The following POLR3A variants were observed in gnomAD, a reference collection of about 807,000 sequenced individuals.
POLR3A encodes the protein RNA polymerase III subunit A.
A neutral mutation model predicts 152.8 loss-of-function variants in POLR3A; 112 were observed. The observed-to-expected ratio is 0.73, with a 90% CI of 0.63 to 0.86. The LOEUF (loss-of-function observed/expected upper bound fraction) is 0.86. Ranked by LOEUF, POLR3A falls within the 40% of genes least tolerant of loss-of-function variation. The pLI is 0.00. For synonymous variants in POLR3A, 615 were observed against 652.1 expected, an observed-to-expected ratio of 0.94 and a Z score of 0.87; for missense variants, 1,385 against 1,743.1, an observed-to-expected ratio of 0.79 and a Z score of 3.66.
In POLR3A at chr10:78,009,597, G is replaced by C. The variant is rs1359891553; in HGVS notation, c.1849C>G (p.Leu617Val). The change falls in exon 14 of 31, where the codon CTG (leucine) becomes GTG (valine). Residue 617 changes from leucine to valine, a missense_variant. By Grantham distance (32) the Leu-to-Val change is conservative. Transcript: ENST00000372371. ...CAGTACTGCTTGCCCTTGGTTCGCA[G>C]GTTGGCCCTCACTGGATTGTCATCG... ...PSDDNPVRAN[L>V]RTKGKQYCGK... is the part of the protein sequence containing the mutation. The C allele has an allele frequency of 6.2e-7, 1 of 1,614,088 alleles. No homozygotes were observed. Among genetic ancestry groups the C allele is most frequent in the Non-Finnish European group, 8.5e-7 (1 of 1,180,050 alleles).
rs2131929670 is a variant in POLR3A, at chr10:77,984,223, C to T, written c.3318G>A (p.Glu1106=). The part of the protein sequence containing the change: ...DYARLVKGRI[E]KTLLGEISEY... ...TTCTTACCTCTCCCAAGAGGGTTTTCTCAATTCTCCCTTTCACGAGGCGAG... is the reference window on the plus strand; with the variant it reads ...TTCTTACCTCTCCCAAGAGGGTTTTTTCAATTCTCCCTTTCACGAGGCGAG... Residue 1106 remains glutamate, a synonymous_variant, in exon 25 of 31, where the codon GAG becomes GAA. Coordinates refer to ENST00000372371, the MANE Select transcript of POLR3A (RefSeq NM_007055.4). 6.2e-7 allele frequency: 1 copy of T among 1,609,426 alleles called. No homozygotes were observed.
intron 27 of POLR3A, 140 bp from the exon 28 acceptor site, chr10:77,982,458 G>C (rs990898924): frequency 3.1e-6 from 3 of 956,150 alleles, no homozygotes; most frequent in Non-Finnish European, 5.1e-6. Context: ...AACAGAAGTT[G>C]TTCAGGGGAC....
chr10:77,980,395 A>G, intron 29 of POLR3A, 122 bp from the exon 30 acceptor site: 2 of 919,030 alleles, frequency 2.2e-6, no homozygotes, highest in East Asian at 2.6e-5. Context: ...TCAGGTGTGA[A>G]AGGCCCTGAG....
At chr10:78,024,279 G>A (rs1189656368) in intron 5 of POLR3A, among the ~76,000 whole-genome samples, 2 of 148,560 alleles carry the variant, frequency 1.3e-5, no homozygotes. Context: ...CAGAAGAATC[G>A]TTTTAACCTG....
At chr10:77,980,434 T>C (rs534517262) in intron 29 of POLR3A, among the ~76,000 whole-genome samples, 161 bp from the exon 30 acceptor site, 9 of 152,236 alleles carry the variant, frequency 5.9e-5, no homozygotes, top group Non-Finnish European at 7.4e-5. Context: ...CTGTGTCCCA[T>C]TGAGGTGGTC....
chr10:78,007,780 T>C lies in POLR3A; in HGVS notation c.1996A>G (p.Ile666Val). 3 of 1,614,110 alleles carry C rather than the reference T, an allele frequency of 1.9e-6. No homozygotes were observed. Among genetic ancestry groups the C allele is most frequent in the Non-Finnish European group, 2.5e-6 (3 of 1,179,966 alleles). The change falls in exon 15 of 31, where the codon ATT (isoleucine) becomes GTT (valine). Residue 666 changes from isoleucine to valine, a missense_variant. Coordinates refer to ENST00000372371, the MANE Select transcript of POLR3A (RefSeq NM_007055.4). ...GSGSKNNIFYILLRDWGQNEA... is the reference protein window; with the variant it reads ...GSGSKNNIFYVLLRDWGQNEA... ...TTCTGTCCCCAGTCTCGCAGCAAAATGTAAAAAATATTGTTCTTGGATCCT... is the reference window on the plus strand; with the variant it reads ...TTCTGTCCCCAGTCTCGCAGCAAAACGTAAAAAATATTGTTCTTGGATCCT...
intron 10 of POLR3A, among the ~76,000 whole-genome samples, chr10:78,015,721 G>C (rs1296574179): frequency 6.6e-6 from 1 of 152,086 alleles, no homozygotes; most frequent in Non-Finnish European, 1.5e-5. Flanking sequence ...TTATAGGCGT[G>C]ATATAGCACA....
rs1564617118 is a variant in POLR3A, at chr10:77,997,758, C to G, written c.2616+2223G>C. On this transcript the variant is annotated intron_variant, in intron 19 of 30. Transcript: ENST00000372371. ...GGTAATTTATAGACTCAATGCCATC[C>G]CCATCAAGCTACCAATGTCTTTCTT... is the stretch of plus-strand genomic sequence containing the variant. 2.7e-5 allele frequency among the ~76,000 whole-genome samples: 4 copies of G among 150,828 alleles called. No individual in the cohort carries two copies. In the South Asian group the frequency reaches 6.3e-4, roughly 24 times the overall value.
chr10:77,985,878 C>T, intron 23 of POLR3A, 25 bp downstream of exon 23: 1 of 1,566,518 alleles, frequency 6.4e-7, no homozygotes, highest in Non-Finnish European at 8.8e-7. Flanking sequence ...GGATGACCGT[C>T]AGTCCAAGAC....
rs756471379 is a variant in POLR3A, at chr10:78,026,178, C to T, written c.96G>A (p.Ala32=). The stretch of plus-strand genomic sequence containing the variant: ...GGTTCTTACTCACAACTTGGATGTG[C>T]GCCTGCTGGCGCATCTCCTCAGGTG... ...MKSPEEMRQQ[A]HIQVVSKNLY... Residue 32 remains alanine, a synonymous_variant, in exon 2 of 31, where the codon GCG becomes GCA. Coordinates refer to ENST00000372371, the MANE Select transcript of POLR3A (RefSeq NM_007055.4). 1.7e-5 allele frequency: 27 copies of T among 1,613,990 alleles called. No homozygotes were observed. The highest frequency in any genetic ancestry group is 2.7e-5 in the African/African-American group (2 of 74,922).
intron 9 of POLR3A, 73 bp from the exon 10 acceptor site, chr10:78,017,789 G>T (rs1189001689): frequency 4.1e-6 from 6 of 1,457,084 alleles, no homozygotes; most frequent in Non-Finnish European, 4.8e-6. Flanking sequence ...TTCAGATCAG[G>T]ATTCAATCTT....
At position 77,983,983 on chromosome 10, in the gene POLR3A, A is replaced by C. The variant is rs1317121133; in HGVS notation, c.3366T>G (p.Leu1122=). 1 of 1,612,152 alleles carries C rather than the reference A, an allele frequency of 6.2e-7. No homozygotes were observed. The highest frequency in any genetic ancestry group is 1.3e-5 in the African/African-American group (1 of 74,912). The change falls in exon 26 of 31, where the codon CTT becomes CTG. Residue 1122 remains leucine (L), a synonymous_variant. Transcript: ENST00000372371. ...EISEYIEEVF[L]PDDCFILVKL... ...TGACGAGAATAAAGCAGTCATCAGG[A>C]AGAAACACTTCTTCAATATACTCGG... is the stretch of plus-strand genomic sequence containing the variant.
At chr10:77,990,980 T>C (rs1249408342) in intron 21 of POLR3A, 74 bp downstream of exon 21, 1 of 830,806 alleles carries the variant, frequency 1.2e-6, no homozygotes, top group Non-Finnish European at 2.1e-6. Flanking sequence ...AAAATCCACT[T>C]GCCAGCCCTT....
rs1277284905 is a variant in POLR3A at position 78,009,143 on chromosome 10, ACTTAG to A, written c.1909+389_1909+393del. Among the ~76,000 whole-genome samples the A allele has an allele frequency of 3.8e-5, 5 of 132,812 alleles. No homozygotes were observed. The East Asian group carries it at 1.1e-3, about 29-fold the overall frequency. 87.1% of individuals were successfully genotyped at this position (132,812 alleles called of 152,430 possible). On this transcript the variant is annotated intron_variant, in intron 14 of 30. Coordinates refer to ENST00000372371, the MANE Select transcript of POLR3A (RefSeq NM_007055.4). ...ACTCCAGCCTGGGTGACAGAGCAAG[ACTTAG>A]TCTCAAAAAAAAAAAAAAAAAAAAA...
Position 77,982,316 on chromosome 10 carries a change from C to A in POLR3A, c.3597G>T (p.Val1199=), listed in dbSNP as rs778304603. 1 of 1,614,034 alleles carries A rather than the reference C, an allele frequency of 6.2e-7. No individual in the cohort carries two copies. The change falls in exon 28 of 31, where the codon GTG becomes GTT. Residue 1199 remains valine, a splice_region_variant and synonymous_variant. Transcript: ENST00000372371. ...ACACCTCTGGAATGCCCTGCACCAC[C>A]ACCTGGATTCAGAGACAGAGAAAGC... ...LQFLKEDLPK[V]VVQGIPEVSR...
At chr10:77,982,376 C>A (rs1847155519) in intron 27 of POLR3A, 58 bp from the exon 28 acceptor site, 17 of 1,492,822 alleles carry the variant, frequency 1.1e-5, no homozygotes, top group East Asian at 2.3e-5. Context: ...CTGGGCTGAT[C>A]ACCTTGATCA....
chr10:78,024,593 T>A lies in POLR3A; in HGVS notation c.601A>T (p.Ile201Phe). ...SNFLQSFETA[I>F]EHNKEVEPLL... ...GGCTCCACTTCTTTATTATGTTCAATGGCTGTTTCAAAAGACTGAAGGAAA... is the reference window on the plus strand; with the variant it reads ...GGCTCCACTTCTTTATTATGTTCAAAGGCTGTTTCAAAAGACTGAAGGAAA... Residue 201 changes from isoleucine (I) to phenylalanine (F), a missense_variant, in exon 5 of 31, where the codon ATT (isoleucine) becomes TTT (phenylalanine). Physicochemically the swap from Ile to Phe is conservative, Grantham distance 21. Transcript: ENST00000372371. 6.2e-7 allele frequency: 1 copy of A among 1,614,058 alleles called. No individual in the cohort carries two copies. Among genetic ancestry groups the A allele is most frequent in the Non-Finnish European group, 8.5e-7 (1 of 1,179,966 alleles).
At chr10:77,992,756 C>T (rs1438913058) in intron 20 of POLR3A, among the ~76,000 whole-genome samples, 1 of 151,990 alleles carries the variant, frequency 6.6e-6, no homozygotes, top group African/African-American at 2.4e-5. Context: ...CCCAGGCTGA[C>T]CTCAAACTTC....
At chr10:78,015,818 C>G (rs1333374344) in intron 10 of POLR3A, among the ~76,000 whole-genome samples, 1 of 151,912 alleles carries the variant, frequency 6.6e-6, no homozygotes, top group Non-Finnish European at 1.5e-5. Flanking sequence ...CATTGCCAGT[C>G]AAAAAAACCT....
Sources: allele counts gnomAD v4.1 joint callset (sites outside exome capture counted in the v4.1 genomes callset), GRCh38; gene constraint gnomAD v4.1.1; transcripts MANE v1.5; gene names NCBI Gene and HGNC (gene_info 2026-07-23, HGNC 2026-07-21).